Variants in LMNA observed in about 807,000 individuals in gnomAD.
LMNA encodes the protein lamin A/C.
In LMNA, 20 loss-of-function variants were observed where a neutral mutation model predicts 70.4. That is an observed-to-expected ratio of 0.28 (90% CI 0.20 to 0.41). The LOEUF (loss-of-function observed/expected upper bound fraction) is 0.41. Among genes scored for constraint, LMNA ranks in the 10% least tolerant of loss-of-function variants. LMNA has a pLI of 1.00. For synonymous variants in LMNA, 339 were observed against 372.8 expected (o/e 0.91, Z 1.04); for missense variants, 652 against 917.2 (o/e 0.71, Z 3.73).
At chr1:156,131,533 T>C (rs1651063641) in intron 2 of LMNA, among the ~76,000 whole-genome samples, 1 of 152,130 alleles carries the variant, frequency 6.6e-6, no homozygotes, top group South Asian at 2.1e-4. Flanking sequence ...GAGGATACAG[T>C]GAGCTGTGAT....
intron 1 of LMNA, among the ~76,000 whole-genome samples, chr1:156,124,059 C>T (rs1462941741): frequency 6.6e-6 from 1 of 152,196 alleles, no homozygotes; most frequent in East Asian, 1.9e-4. Flanking sequence ...GCCTCAGACC[C>T]TAGGCATATT....
At chr1:156,107,869 T>C (rs564261856) in intron 3 of LMNA, among the ~76,000 whole-genome samples, 2 of 151,588 alleles carry the variant, frequency 1.3e-5, no homozygotes, top group African/African-American at 4.8e-5. Context: ...TGCAGTGACA[T>C]GATCTCCTGC....
At chr1:156,126,215 T>C in intron 1 of LMNA, 1 of 1,523,488 alleles carries the variant, frequency 6.6e-7, no homozygotes. Flanking sequence ...TGGGGAACTC[T>C]GAGGGCTGGT....
In LMNA at chr1:156,115,857, C is replaced by G. The variant is rs537878798; in HGVS notation, c.356+583C>G. Among the ~76,000 whole-genome samples the G allele has an allele frequency of 8.8e-4, 134 of 152,344 alleles. No homozygotes were observed. Among genetic ancestry groups the G allele is most frequent in the African/African-American group, 3.2e-3 (133 of 41,578 alleles). ...CTCCCAAGGGCTTGGCGGTGGCCCCCCCTCAGCATGACCTTGTCCTGGGTT... is the reference window on the plus strand; with the variant it reads ...CTCCCAAGGGCTTGGCGGTGGCCCCGCCTCAGCATGACCTTGTCCTGGGTT... On this transcript the variant is annotated intron_variant, in intron 1 of 11. Coordinates refer to ENST00000368300, the MANE Select transcript of LMNA (RefSeq NM_170707.4). The surrounding 1 kb of genome is among the most constrained non-coding windows in gnomAD (Gnocchi z 5.8).
rs1651838838 is a variant in LMNA at position 156,138,249 on chromosome 1, A to G, written c.1699-239A>G. On this transcript the variant is annotated intron_variant, in intron 10 of 11. Coordinates refer to ENST00000368300, the MANE Select transcript of LMNA (RefSeq NM_170707.4). The surrounding 1 kb of genome is among the most constrained non-coding windows in gnomAD (Gnocchi z 5.5). ...AGCTCAGAGTAGCTAGAACAGAGTC[A>G]GAGTCACTGCTCTGGTTCTCTGTCC... is the stretch of plus-strand genomic sequence containing the variant. 1.7e-6 allele frequency: 1 copy of G among 596,766 alleles called. No individual in the cohort carries two copies. Among genetic ancestry groups the G allele is most frequent in the Non-Finnish European group, 3.0e-6 (1 of 335,438 alleles). 37.0% of individuals were successfully genotyped at this position (596,766 alleles called of 1,614,324 possible). A position where few individuals can be genotyped will look rare whatever the true frequency, so the allele number is the denominator to read the frequency against.
rs1253666878 is a variant in LMNA at position 156,139,407 on chromosome 1, G to A, written c.*301G>A. Reference sequence around the variant, plus strand: ...TCCACATCTGCCTTAAAACCAAAGAGGGCTTCCTCTAGAAGCCAAGGGAAA... The same window carrying A: ...TCCACATCTGCCTTAAAACCAAAGAAGGCTTCCTCTAGAAGCCAAGGGAAA... On this transcript the variant is annotated 3_prime_UTR_variant, in exon 12 of 12. Transcript: ENST00000368300. 8.8e-6 allele frequency: 12 copies of A among 1,363,990 alleles called. No homozygotes were observed. In the East Asian group the frequency reaches 3.2e-4, roughly 37 times the overall value. The allele number at this position is 1,363,990 out of a possible 1,614,324, so 84.5% of individuals were successfully genotyped here. A position where few individuals can be genotyped will look rare whatever the true frequency, so the allele number is the denominator to read the frequency against.
At chr1:156,106,100 A>G (rs1220651932) in intron 3 of LMNA, among the ~76,000 whole-genome samples, 1 of 149,358 alleles carries the variant, frequency 6.7e-6, no homozygotes, top group African/African-American at 2.5e-5. Flanking sequence ...GCGCCACTAC[A>G]CTCCAGCCTG....
chr1:156,139,416 C>T lies in LMNA; in HGVS notation c.*310C>T. 7.4e-7 allele frequency: 1 copy of T among 1,358,974 alleles called. No homozygotes were observed. The highest frequency in any genetic ancestry group is 3.0e-5 in the East Asian group (1 of 33,214). The allele number at this position is 1,358,974 out of a possible 1,614,324, so 84.2% of individuals were successfully genotyped here. A position where few individuals can be genotyped will look rare whatever the true frequency, so the allele number is the denominator to read the frequency against. On this transcript the variant is annotated 3_prime_UTR_variant, in exon 12 of 12. Transcript: ENST00000368300. Reference sequence around the variant, plus strand: ...GCCTTAAAACCAAAGAGGGCTTCCTCTAGAAGCCAAGGGAAAGGGGTGCTT... The same window carrying T: ...GCCTTAAAACCAAAGAGGGCTTCCTTTAGAAGCCAAGGGAAAGGGGTGCTT...
chr1:156,138,595 C>T lies in LMNA; in HGVS notation c.1806C>T (p.Gly602=). The change falls in exon 11 of 12, where the codon GGC becomes GGT. Residue 602 remains glycine, a synonymous_variant. Coordinates refer to ENST00000368300, the MANE Select transcript of LMNA (RefSeq NM_170707.4). The surrounding 1 kb of genome is among the most constrained non-coding windows in gnomAD (Gnocchi z 5.5). ...CTGCCGACAAGGCATCTGCCAGCGG[C>T]TCAGGAGCCCAGGTGGGCGGACCCA... ...GQPADKASAS[G]SGAQVGGPIS... The T allele has an allele frequency of 6.2e-7, 1 of 1,613,004 alleles. No individual in the cohort carries two copies. The highest frequency in any genetic ancestry group is 1.3e-5 in the African/African-American group (1 of 75,056).
intron 1 of LMNA, chr1:156,123,126 A>T (rs1650315278): frequency 6.7e-6 from 1 of 149,660 alleles, no homozygotes; most frequent in Admixed American, 6.6e-5. Context: ...TGAGAACTAC[A>T]TTCAAGTTGC....
At chr1:156,120,313 C>T (rs1650098720) in intron 1 of LMNA, among the ~76,000 whole-genome samples, 1 of 152,214 alleles carries the variant, frequency 6.6e-6, no homozygotes, top group Admixed American at 6.5e-5. Flanking sequence ...TACCATTAAG[C>T]CTCACTTCTC....
At chr1:156,109,576 G>A (rs1649462290), upstream of LMNA, 1 of 152,196 alleles carries the variant, frequency 6.6e-6, no homozygotes, top group African/African-American at 2.4e-5. Flanking sequence ...CCAGGATTTG[G>A]ACCAGACTGC....
rs758887740 is a variant in LMNA at position 156,114,908 on chromosome 1, A to T, written c.-11A>T. On this transcript the variant is annotated 5_prime_UTR_variant, in exon 1 of 12. Coordinates refer to ENST00000368300, the MANE Select transcript of LMNA (RefSeq NM_170707.4). The stretch of plus-strand genomic sequence containing the variant: ...CCCTGCCCCGCGGGCAGCGCTGCCA[A>T]CCTGCCGGCCATGGAGACCCCGTCC... The T allele has an allele frequency of 6.5e-7, 1 of 1,535,954 alleles. No individual in the cohort carries two copies. The highest frequency in any genetic ancestry group is 1.2e-5 in the South Asian group (1 of 82,508).
intron 3 of LMNA, among the ~76,000 whole-genome samples, chr1:156,107,287 G>A (rs961099108): frequency 8.5e-5 from 13 of 152,136 alleles, no homozygotes; most frequent in African/African-American, 2.2e-4. Flanking sequence ...GCCACTTCCC[G>A]ACTTTGTAGG....
chr1:156,137,528 C>T lies in LMNA; in HGVS notation c.1609-126C>T. On this transcript the variant is annotated intron_variant, in intron 9 of 11. Transcript: ENST00000368300. This position sits in a 1 kb window ranked among gnomAD's most constrained non-coding sequence, Gnocchi z 4.6. ...TCCTTAGCTCCATCACCACAGAGGA[C>T]AGAGTAAGCAGCAGGCCGGACAAAG... 1.1e-6 allele frequency: 1 copy of T among 920,976 alleles called. No individual in the cohort carries two copies. Among genetic ancestry groups the T allele is most frequent in the Admixed American group, 2.0e-5 (1 of 50,222 alleles). The allele number at this position is 920,976 out of a possible 1,614,324, so 57.1% of individuals were successfully genotyped here. A position where few individuals can be genotyped will look rare whatever the true frequency, so the allele number is the denominator to read the frequency against.
chr1:156,089,443 G>A (rs748025881), intron 2 of LMNA, among the ~76,000 whole-genome samples: 2 of 151,462 alleles, frequency 1.3e-5, no homozygotes, highest in African/African-American at 4.9e-5. Flanking sequence ...TTACAGGCGC[G>A]CACCCCCACG....
chr1:156,084,283 A>G (rs1648386518), intron 2 of LMNA, among the ~76,000 whole-genome samples: 1 of 132,144 alleles, frequency 7.6e-6, no homozygotes, highest in African/African-American at 2.7e-5. Context: ...GTGAATTTGC[A>G]CACTAATGGG....
intron 2 of LMNA, among the ~76,000 whole-genome samples, chr1:156,086,393 A>ACT (rs55740793): frequency 0.44 from 64,318 of 146,218 alleles, 14,961 homozygotes; most frequent in Non-Finnish European, 0.54. Flanking sequence ...GTGACCTCTG[A>ACT]CTCTCTCTCT....
chr1:156,139,591 GA>G lies in LMNA; in HGVS notation c.*486del. On this transcript the variant is annotated 3_prime_UTR_variant, in exon 12 of 12. Coordinates refer to ENST00000368300, the MANE Select transcript of LMNA (RefSeq NM_170707.4). ...CTGCCAGGCCAGCCTCCGAGAGGGA[GA>G]GAGAGAGAGAGAGGACAGCTTGAGC... 1 of 1,314,514 alleles carries G rather than the reference GA, an allele frequency of 7.6e-7. No homozygotes were observed. Among genetic ancestry groups the G allele is most frequent in the Non-Finnish European group, 9.8e-7 (1 of 1,017,512 alleles). 81.4% of individuals were successfully genotyped at this position (1,314,514 alleles called of 1,614,324 possible).
Sources: allele counts gnomAD v4.1 joint callset (sites outside exome capture counted in the v4.1 genomes callset), GRCh38; gene constraint gnomAD v4.1.1; non-coding constraint Gnocchi (gnomAD v3.1); transcripts MANE v1.5; gene names NCBI Gene and HGNC (gene_info 2026-07-23, HGNC 2026-07-21).